The following ZNF79 variants were observed in gnomAD, a reference collection of about 807,000 sequenced individuals.
ZNF79 encodes zinc finger protein 79.
A neutral mutation model predicts 14.9 loss-of-function variants in ZNF79; 13 were observed. The ratio of observed to expected loss-of-function variants is 0.87; its 90% CI spans 0.57 to 1.38. The LOEUF is 1.38. ZNF79 is among the 40% of genes most tolerant of loss of function. The probability of loss-of-function intolerance (pLI) is 0.00; values close to 1 mark genes in which losing one functional copy is unlikely to be tolerated. For synonymous variants in ZNF79, 223 were observed against 235.1 expected (o/e 0.95, Z 0.47); for missense variants, 631 against 630.6 (o/e 1.00, Z -0.01).
intron 4 of ZNF79, 34 bp from the exon 5 acceptor site, chr9:127,443,995 A>G (rs764349230): frequency 3.9e-6 from 6 of 1,534,114 alleles, no homozygotes; most frequent in African/African-American, 1.4e-5. Context: ...TCCTTCCACC[A>G]AGGGAACACA....
At chr9:127,426,777 T>TTG (rs1483492032) in intron 1 of ZNF79, among the ~76,000 whole-genome samples, 11 of 152,184 alleles carry the variant, frequency 7.2e-5, no homozygotes, top group African/African-American at 1.9e-4. Flanking sequence ...CAGTGAATTT[T>TTG]TGTGTGTGTG....
chr9:127,426,337 A>C (rs1456958234), intron 1 of ZNF79, among the ~76,000 whole-genome samples: 1 of 151,302 alleles, frequency 6.6e-6, no homozygotes, highest in Non-Finnish European at 1.5e-5. Context: ...GGATTTGCCT[A>C]GGACATTTCA....
chr9:127,426,370 G>C (rs1305159766), intron 1 of ZNF79, among the ~76,000 whole-genome samples: 1 of 135,576 alleles, frequency 7.4e-6, no homozygotes, highest in Non-Finnish European at 1.5e-5. Context: ...CATAATATGT[G>C]ACTTTTTTTT....
intron 4 of ZNF79, among the ~76,000 whole-genome samples, chr9:127,439,067 G>A (rs1273018347): frequency 1.3e-5 from 2 of 151,042 alleles, no homozygotes; most frequent in Non-Finnish European, 2.9e-5. Context: ...AGCCAAGATC[G>A]TGCCACTGCA....
At chr9:127,443,377 C>T (rs888031880) in intron 4 of ZNF79, among the ~76,000 whole-genome samples, 11 of 151,924 alleles carry the variant, frequency 7.2e-5, no homozygotes, top group South Asian at 2.1e-4. Flanking sequence ...ACTGTGCCAC[C>T]GCCCTCCAGC....
chr9:127,424,868 C>T (rs913408902), intron 1 of ZNF79, 65 bp downstream of exon 1: 2 of 1,608,988 alleles, frequency 1.2e-6, no homozygotes, highest in Non-Finnish European at 1.7e-6. Flanking sequence ...CCACGACTGC[C>T]GCTGTGTGAG....
chr9:127,428,016 TGTCAACCAGGCTGCAGTGTA>T (rs1259200912), intron 1 of ZNF79, among the ~76,000 whole-genome samples: 33 of 152,248 alleles, frequency 2.2e-4, no homozygotes, highest in Non-Finnish European at 3.7e-4. Flanking sequence ...TGTCTCACTC[TGTCAACCAGGCTGCAGTGTA>T]GTGGTGTGAT....
chr9:127,433,170 A>C (rs1372498724), intron 2 of ZNF79, among the ~76,000 whole-genome samples: 1 of 152,152 alleles, frequency 6.6e-6, no homozygotes, highest in Admixed American at 6.5e-5. Context: ...AGCAGGTAAA[A>C]TCAGAGGCCT....
Position 127,445,117 on chromosome 9 carries a change from T to C in ZNF79, c.1417T>C (p.Tyr473His). The change falls in exon 5 of 5, where the codon TAC (tyrosine) becomes CAC (histidine). Residue 473 changes from tyrosine to histidine, a missense_variant. Tyr to His is a moderately conservative substitution (Grantham distance 83). Coordinates refer to ENST00000342483, the MANE Select transcript of ZNF79 (RefSeq NM_007135.3). ...GAGAATCCACACAGGCGTGAAACCC[T>C]ACGAATGCAGCGAGTGTGGGAAGGC... is the stretch of plus-strand genomic sequence containing the variant. ...HQRIHTGVKP[Y>H]ECSECGKAFR... 6.2e-7 allele frequency: 1 copy of C among 1,614,154 alleles called. No homozygotes were observed. Among genetic ancestry groups the C allele is most frequent in the Non-Finnish European group, 8.5e-7 (1 of 1,180,034 alleles).
chr9:127,428,948 A>T (rs751881269), intron 2 of ZNF79, 28 bp downstream of exon 2: 3 of 1,496,244 alleles, frequency 2.0e-6, no homozygotes, highest in African/African-American at 1.4e-5. Context: ...TTTGGAAGGC[A>T]TCCTTTTCTT....
At chr9:127,431,583 G>A (rs1238649607) in intron 2 of ZNF79, among the ~76,000 whole-genome samples, 1 of 152,158 alleles carries the variant, frequency 6.6e-6, no homozygotes, top group Non-Finnish European at 1.5e-5. Flanking sequence ...AAGCTTTTTA[G>A]TCAGGTCCCA....
In ZNF79 at chr9:127,444,083, TC is replaced by T; in HGVS notation, c.385del (p.Gln129LysfsTer5). Reference sequence around the variant, plus strand: ...GAGCAAGCCCTTTCTGAAGCTTCATTCCAAGACCCATGTGTAGAGATGCCCC... The same window carrying T: ...GAGCAAGCCCTTTCTGAAGCTTCATTCAAGACCCATGTGTAGAGATGCCCC... ...PPEQALSEASFQDPCVEMPPG... is the reference protein window; with the variant it reads ...PPEQALSEASXQDPCVEMPPG... On this transcript the variant is annotated frameshift_variant, in exon 5 of 5. Transcript: ENST00000342483. LOFTEE classifies it low-confidence loss of function (END_TRUNC). 6.2e-7 allele frequency: 1 copy of T among 1,612,208 alleles called. No individual in the cohort carries two copies. The highest frequency in any genetic ancestry group is 1.3e-5 in the African/African-American group (1 of 74,954).
At position 127,444,396 on chromosome 9, in the gene ZNF79, G is replaced by A; in HGVS notation, c.696G>A (p.Gln232=). Residue 232 remains glutamine, a synonymous_variant, in exon 5 of 5, where the codon CAG becomes CAA. Coordinates refer to ENST00000342483, the MANE Select transcript of ZNF79 (RefSeq NM_007135.3). The part of the protein sequence containing the change: ...ECSECGKAFS[Q]SSSLIQHQRI... The stretch of plus-strand genomic sequence containing the variant: ...GTGAATGTGGGAAGGCCTTCAGCCA[G>A]AGCTCATCTCTCATTCAGCACCAGA... 6.2e-7 allele frequency: 1 copy of A among 1,610,876 alleles called. No individual in the cohort carries two copies. Among genetic ancestry groups the A allele is most frequent in the Middle Eastern group, 1.7e-4 (1 of 6,050 alleles).
At chr9:127,429,037 C>CT (rs2131944118) in intron 2 of ZNF79, 117 bp downstream of exon 2, 2 of 698,310 alleles carry the variant, frequency 2.9e-6, no homozygotes, top group East Asian at 6.5e-5. Context: ...TTTTTTGAGA[C>CT]TGAGTCTCAC....
intron 2 of ZNF79, among the ~76,000 whole-genome samples, chr9:127,431,066 C>T (rs1316657073): frequency 6.6e-6 from 1 of 151,976 alleles, no homozygotes; most frequent in Non-Finnish European, 1.5e-5. Flanking sequence ...CTTTTTTGGC[C>T]ACTTGTATGT....
At chr9:127,441,127 CTG>C (rs1409040126) in intron 4 of ZNF79, among the ~76,000 whole-genome samples, 1 of 152,040 alleles carries the variant, frequency 6.6e-6, no homozygotes, top group African/African-American at 2.4e-5. Context: ...CTTTTAAAAA[CTG>C]TCAAACCCAT....
intron 2 of ZNF79, among the ~76,000 whole-genome samples, chr9:127,431,116 A>C (rs1833851825): frequency 6.6e-6 from 1 of 151,698 alleles, no homozygotes; most frequent in South Asian, 2.1e-4. Context: ...CCTGCTTTTT[A>C]ACGTGGTTAT....
In ZNF79 at chr9:127,435,123, T is replaced by C; in HGVS notation, c.139T>C (p.Phe47Leu). The change falls in exon 3 of 5, where the codon TTT (phenylalanine) becomes CTT (leucine). Residue 47 changes from phenylalanine to leucine, a missense_variant. By Grantham distance (22) the Phe-to-Leu change is conservative. Transcript: ENST00000342483. ...ATTCTTCAGCAGTGTGACGGTAGCT[T>C]TTGCACAGGAAAGGTGGAGGTGCCT... The part of the protein sequence containing the change: ...STFFSSVTVA[F>L]AQERWRCLVS... The C allele has an allele frequency of 1.2e-6, 2 of 1,612,632 alleles. No individual in the cohort carries two copies. Among genetic ancestry groups the C allele is most frequent in the Non-Finnish European group, 1.7e-6 (2 of 1,179,302 alleles).
chr9:127,437,091 A>C (rs6478777), intron 4 of ZNF79, among the ~76,000 whole-genome samples: 1 of 149,762 alleles, frequency 6.7e-6, no homozygotes, highest in Non-Finnish European at 1.5e-5. Context: ...AGAAGATGCA[A>C]CCTGTCTGTT....
Sources: gnomAD v4.1 joint callset for allele counts (sites outside exome capture counted in the v4.1 genomes callset) on GRCh38, gnomAD v4.1.1 for gene constraint, MANE v1.5 for transcripts, NCBI Gene and HGNC (gene_info 2026-07-23, HGNC 2026-07-21) for gene names.